Variants in ETFA observed in about 807,000 individuals in gnomAD.
The protein encoded by ETFA is electron transfer flavoprotein subunit alpha, also known as electron transfer flavoprotein subunit alpha, mitochondrial.
In ETFA, 22 loss-of-function variants were observed where a neutral mutation model predicts 46.2. The observed-to-expected ratio is 0.48, with a 90% confidence interval of 0.34 to 0.68. The LOEUF (loss-of-function observed/expected upper bound fraction) is 0.68, where lower values mean the gene tolerates loss of function less well. Among genes scored for constraint, ETFA ranks in the 30% least tolerant of loss-of-function variants. ETFA has a pLI of 0.01. For synonymous variants in ETFA, 131 were observed against 139.9 expected (o/e 0.94, Z 0.45); for missense variants, 345 against 401.1 (o/e 0.86, Z 1.19).
chr15:76,233,446 C>T (rs1042250712), intron 9 of ETFA, among the ~76,000 whole-genome samples: 2 of 151,312 alleles, frequency 1.3e-5, no homozygotes, highest in African/African-American at 2.4e-5. Flanking sequence ...TCTCCCGCCT[C>T]GGCCTCCCGA....
At chr15:76,271,200 A>G (rs552820049) in intron 9 of ETFA, among the ~76,000 whole-genome samples, 40 of 152,170 alleles carry the variant, frequency 2.6e-4, no homozygotes, top group African/African-American at 9.6e-4. Flanking sequence ...AGTTTGAGGA[A>G]AACTGGGATA....
rs528836781 is a variant in ETFA, at chr15:76,243,628, G to T, written c.817-12230C>A. ...AGCCTGGCCAACGTGGCGAAACCCC[G>T]CCTCTGCTAAAAATACAACAATTAG... On this transcript the variant is annotated intron_variant, in intron 9 of 11. Coordinates refer to ENST00000557943, the MANE Select transcript of ETFA (RefSeq NM_000126.4). 2.0e-5 allele frequency among the ~76,000 whole-genome samples: 3 copies of T among 151,816 alleles called. No homozygotes were observed. In the South Asian group the frequency reaches 6.2e-4, roughly 31 times the overall value.
At chr15:76,262,505 A>G (rs898226336) in intron 9 of ETFA, among the ~76,000 whole-genome samples, 39 of 97,430 alleles carry the variant, frequency 4.0e-4, no homozygotes, top group African/African-American at 1.3e-3. Context: ...TTTTTTGAGA[A>G]GGTGTCTCGC....
chr15:76,232,519 T>C (rs1001672236), intron 9 of ETFA, among the ~76,000 whole-genome samples: 81 of 152,300 alleles, frequency 5.3e-4, no homozygotes, highest in African/African-American at 1.9e-3. Flanking sequence ...ATACTTACTT[T>C]TATTACAGGG....
chr15:76,286,584 T>A, intron 5 of ETFA, 103 bp from the exon 6 acceptor site: 1 of 754,080 alleles, frequency 1.3e-6, no homozygotes. Flanking sequence ...AAGAAATAAC[T>A]ATTGACCAGT....
chr15:76,309,242 G>A (rs867537157), intron 1 of ETFA, among the ~76,000 whole-genome samples: 7 of 152,310 alleles, frequency 4.6e-5, no homozygotes, highest in Middle Eastern at 3.4e-3. Context: ...GAGGTCAGGA[G>A]ATCGAGACCA....
intron 10 of ETFA, among the ~76,000 whole-genome samples, chr15:76,226,913 G>T (rs971311853): frequency 6.6e-6 from 1 of 152,022 alleles, no homozygotes. Flanking sequence ...AAATACAATA[G>T]AATAAAATAA....
chr15:76,295,402 A>C (rs1039533039), intron 2 of ETFA, among the ~76,000 whole-genome samples, 189 bp downstream of exon 2: 1 of 152,232 alleles, frequency 6.6e-6, no homozygotes, highest in Non-Finnish European at 1.5e-5. Context: ...GCATTTCAAA[A>C]GATAAAATGC....
chr15:76,275,270 C>T (rs1370131626), intron 8 of ETFA, among the ~76,000 whole-genome samples: 1 of 152,084 alleles, frequency 6.6e-6, no homozygotes, highest in African/African-American at 2.4e-5. Context: ...GAATATGGAG[C>T]CCAATATCAG....
At chr15:76,241,877 G>C (rs868436665) in intron 9 of ETFA, among the ~76,000 whole-genome samples, 5,547 of 142,656 alleles carry the variant, frequency 0.039, 357 homozygotes, top group African/African-American at 0.13. Flanking sequence ...TCGCTCTGTC[G>C]CCAGGCTGGA....
At chr15:76,257,003 CG>C (rs1384902827) in intron 9 of ETFA, among the ~76,000 whole-genome samples, 1 of 152,136 alleles carries the variant, frequency 6.6e-6, no homozygotes, top group Non-Finnish European at 1.5e-5. Context: ...ATAACAAAAT[CG>C]CCTAATGACA....
chr15:76,283,788 TAAC>T lies in ETFA; in HGVS notation c.699_701del (p.Leu234del). On this transcript the variant is annotated inframe_deletion, in exon 8 of 12. Coordinates refer to ENST00000557943, the MANE Select transcript of ETFA (RefSeq NM_000126.4). The stretch of plus-strand genomic sequence containing the variant: ...CATGTAGTTGATCTGCCAAGTCATA[TAAC>T]AACTTAAAGTTCTCTCCACTCTTCA... 1 of 1,612,368 alleles carries T rather than the reference TAAC, an allele frequency of 6.2e-7. No homozygotes were observed. The highest frequency in any genetic ancestry group is 8.5e-7 in the Non-Finnish European group (1 of 1,178,594).
intron 11 of ETFA, among the ~76,000 whole-genome samples, chr15:76,220,843 T>C (rs751607339): frequency 6.6e-5 from 10 of 152,168 alleles, no homozygotes; most frequent in Admixed American, 1.3e-4. Context: ...TTAATGAGTA[T>C]ATAGAAAAAC....
intron 1 of ETFA, among the ~76,000 whole-genome samples, chr15:76,297,997 A>G (rs1426558977): frequency 6.6e-6 from 1 of 152,132 alleles, no homozygotes; most frequent in Non-Finnish European, 1.5e-5. Flanking sequence ...ATGTTATTCT[A>G]CAATCTAAAG....
chr15:76,221,622 C>G (rs2038957102), intron 11 of ETFA, among the ~76,000 whole-genome samples: 1 of 152,206 alleles, frequency 6.6e-6, no homozygotes, highest in Admixed American at 6.5e-5. Flanking sequence ...ATATTTGTCA[C>G]AGACTCTATT....
At chr15:76,310,655 T>G (rs1234211333) in intron 1 of ETFA, among the ~76,000 whole-genome samples, 1 of 152,210 alleles carries the variant, frequency 6.6e-6, no homozygotes, top group Non-Finnish European at 1.5e-5. Flanking sequence ...CTGTCACCAG[T>G]TAACCTAATC....
intron 9 of ETFA, chr15:76,261,231 A>C (rs1418296703): frequency 3.2e-6 from 5 of 1,565,984 alleles, no homozygotes. Flanking sequence ...CAGCCTTGCA[A>C]GACAGTTGGA....
intron 9 of ETFA, chr15:76,259,237 CGAT>C: frequency 6.4e-7 from 1 of 1,556,530 alleles, no homozygotes. Context: ...TTGGCTCTCT[CGAT>C]GTTGATGTAT....
chr15:76,259,503 T>C, intron 9 of ETFA: 1 of 850,808 alleles, frequency 1.2e-6, no homozygotes, highest in Non-Finnish European at 2.1e-6. Context: ...AATCTCAGTG[T>C]TTTCGATGCC....
Sources: gnomAD v4.1 joint callset for allele counts (sites outside exome capture counted in the v4.1 genomes callset) on GRCh38, gnomAD v4.1.1 for gene constraint, MANE v1.5 for transcripts, NCBI Gene and HGNC (gene_info 2026-07-23, HGNC 2026-07-21) for gene names.